CUX2: variants seen among roughly 807,000 people sequenced by gnomAD.
CUX2 encodes cut like homeobox 2, also known as homeobox protein cut-like 2.
A neutral mutation model predicts 144.8 loss-of-function variants in CUX2; 40 were observed. The observed-to-expected ratio is 0.28, with a 90% CI of 0.21 to 0.36. The LOEUF is 0.36. CUX2 is among the 10% of genes least tolerant of loss of function. The probability of loss-of-function intolerance (pLI) is 1.00; values close to 1 mark genes in which losing one functional copy is unlikely to be tolerated. For synonymous variants in CUX2, 827 were observed against 875.6 expected (o/e 0.94, Z 0.98); for missense variants, 1,615 against 1,994.0 (o/e 0.81, Z 3.62).
intron 3 of CUX2, among the ~76,000 whole-genome samples, chr12:111,229,171 G>A (rs7974478): frequency 0.014 from 2,111 of 152,204 alleles, 47 homozygotes; most frequent in African/African-American, 0.047. Flanking sequence ...TGGAGGTGCC[G>A]AATGCTGCCT....
At chr12:111,329,397 T>A (rs115236943) in intron 18 of CUX2, among the ~76,000 whole-genome samples, 2,151 of 152,056 alleles carry the variant, frequency 0.014, 51 homozygotes, top group African/African-American at 0.049. Context: ...GTCTTCCTGA[T>A]AGAGATAATT....
At chr12:111,052,420 CAAA>C (rs35221422) in intron 1 of CUX2, among the ~76,000 whole-genome samples, 4 of 132,754 alleles carry the variant, frequency 3.0e-5, no homozygotes, top group African/African-American at 1.1e-4. Context: ...AGTAGGCCCT[CAAA>C]AAAAAAAAAA....
At chr12:111,200,305 AG>A in intron 1 of CUX2, among the ~76,000 whole-genome samples, 1 of 152,182 alleles carries the variant, frequency 6.6e-6, no homozygotes, top group African/African-American at 2.4e-5. Context: ...TCAGCTGGAT[AG>A]GCATTTCACA....
chr12:111,050,743 C>G (rs1326575698), intron 1 of CUX2, among the ~76,000 whole-genome samples: 2 of 152,232 alleles, frequency 1.3e-5, no homozygotes, highest in Non-Finnish European at 2.9e-5. Context: ...GGACTTTGGT[C>G]TCCTAATTTC....
intron 1 of CUX2, among the ~76,000 whole-genome samples, chr12:111,084,701 A>C (rs1431596555): frequency 1.3e-5 from 2 of 152,244 alleles, no homozygotes; most frequent in Non-Finnish European, 2.9e-5. Flanking sequence ...TTGCAGGTTC[A>C]CAGGAAACTT....
intron 1 of CUX2, among the ~76,000 whole-genome samples, chr12:111,123,747 G>A (rs372282663): frequency 2.6e-5 from 4 of 151,400 alleles, no homozygotes; most frequent in South Asian, 4.2e-4. Context: ...TGTTGCCCAG[G>A]CTAATTTCAA....
rs574407720 is a variant in CUX2 at position 111,342,098 on chromosome 12, G to C, written c.3659+45G>C. ...CCCACAGGCGGGTGGCAGAATCCAG[G>C]TGGGACCCCTTCCCCATCCCAGGGC... On this transcript the variant is annotated intron_variant, in intron 21 of 21. Transcript: ENST00000261726. 21 of 1,566,302 alleles carry C rather than the reference G, an allele frequency of 1.3e-5. No individual in the cohort carries two copies. The African/African-American group carries it at 1.4e-4, about 10-fold the overall frequency.
At chr12:111,118,427 T>G (rs1874427294) in intron 1 of CUX2, among the ~76,000 whole-genome samples, 1 of 152,178 alleles carries the variant, frequency 6.6e-6, no homozygotes, top group Non-Finnish European at 1.5e-5. Flanking sequence ...GTTGGTAGAT[T>G]GAAATTGGCC....
At chr12:111,127,026 C>A (rs77177598) in intron 1 of CUX2, among the ~76,000 whole-genome samples, 1 of 151,928 alleles carries the variant, frequency 6.6e-6, no homozygotes, top group Non-Finnish European at 1.5e-5. Context: ...ATTCAAGTAC[C>A]GTAATATAAA....
chr12:111,121,369 C>CTTTTTTTTTTTTTTTTTTTTTT (rs5800920), intron 1 of CUX2, among the ~76,000 whole-genome samples: 83 of 59,012 alleles, frequency 1.4e-3, no homozygotes, highest in Middle Eastern at 0.011. Context: ...TTTCTTTTTT[C>CTTTTTTTTTTTTTTTTTTTTTT]TTTTTTTTTT....
In CUX2 at chr12:111,295,272, C is replaced by CG. The variant is rs1885911076; in HGVS notation, c.561-56dup. ...GTAGGAAGCAAGATGGGGCTCGACT[C>CG]GGGGGCCCCAGGCAAGGCCTGTCCC... On this transcript the variant is annotated intron_variant, in intron 6 of 21. Transcript: ENST00000261726. The surrounding 1 kb of genome is among the most constrained non-coding windows in gnomAD (Gnocchi z 5.0). 2.0e-6 allele frequency: 3 copies of CG among 1,533,836 alleles called. No individual in the cohort carries two copies. The highest frequency in any genetic ancestry group is 2.7e-6 in the Non-Finnish European group (3 of 1,123,658).
At chr12:111,180,837 G>A (rs1183703083) in intron 1 of CUX2, among the ~76,000 whole-genome samples, 3 of 152,244 alleles carry the variant, frequency 2.0e-5, no homozygotes, top group Non-Finnish European at 4.4e-5. Flanking sequence ...GTTATTGAGG[G>A]AAGAAATATG....
intron 16 of CUX2, among the ~76,000 whole-genome samples, chr12:111,314,668 AC>A (rs1362406631): frequency 5.6e-5 from 4 of 72,014 alleles, no homozygotes; most frequent in African/African-American, 3.0e-4. Flanking sequence ...AAAAAAAAAA[AC>A]CCCATCTCCT....
rs1206229826 is a variant in CUX2 at position 111,190,950 on chromosome 12, G to A, written c.64-23250G>A. Among the ~76,000 whole-genome samples, 6 of 152,124 alleles carry A rather than the reference G, an allele frequency of 3.9e-5. No homozygotes were observed. The highest frequency in any genetic ancestry group is 7.3e-5 in the Non-Finnish European group (5 of 68,040). On this transcript the variant is annotated intron_variant, in intron 1 of 21. Transcript: ENST00000261726. This position sits in a 1 kb window ranked among gnomAD's most constrained non-coding sequence, Gnocchi z 4.0. ...CCTGACCCAGCAGCTGAGCACAGCCGACCTGCTCGCAGATCCAGCACGCCA... is the reference window on the plus strand; with the variant it reads ...CCTGACCCAGCAGCTGAGCACAGCCAACCTGCTCGCAGATCCAGCACGCCA...
At chr12:111,155,540 A>G (rs920026485) in intron 1 of CUX2, among the ~76,000 whole-genome samples, 2 of 152,194 alleles carry the variant, frequency 1.3e-5, no homozygotes, top group African/African-American at 2.4e-5. Flanking sequence ...CAAAATTTTC[A>G]TTGGGAAAAT....
intron 1 of CUX2, among the ~76,000 whole-genome samples, chr12:111,201,402 G>A (rs1368316743): frequency 1.3e-5 from 2 of 152,036 alleles, no homozygotes; most frequent in African/African-American, 2.4e-5. Context: ...TAATCCCCAC[G>A]AGGCTGTAAG....
intron 1 of CUX2, among the ~76,000 whole-genome samples, chr12:111,137,487 G>T (rs1245053697): frequency 6.6e-6 from 1 of 152,008 alleles, no homozygotes; most frequent in East Asian, 1.9e-4. Context: ...TGAATGATGG[G>T]ATTTTTATAA....
At chr12:111,196,918 A>G (rs1470438542) in intron 1 of CUX2, among the ~76,000 whole-genome samples, 2 of 152,184 alleles carry the variant, frequency 1.3e-5, no homozygotes, top group Admixed American at 6.5e-5. Context: ...AAACCTTTTA[A>G]TCATACATAG....
rs1265518523 is a variant in CUX2 at position 111,255,800 on chromosome 12, A to G, written c.223-7961A>G. Among the ~76,000 whole-genome samples, 4 of 152,320 alleles carry G rather than the reference A, an allele frequency of 2.6e-5. No individual in the cohort carries two copies. Among genetic ancestry groups the G allele is most frequent in the African/African-American group, 9.6e-5 (4 of 41,560 alleles). On this transcript the variant is annotated intron_variant, in intron 3 of 21. Transcript: ENST00000261726. The surrounding 1 kb of genome is among the most constrained non-coding windows in gnomAD (Gnocchi z 4.1). ...TGTTATCATCAATAATAATGCACAA[A>G]TCAGCCAATCGAAGTAGCTGTTACC...
Sources: gnomAD v4.1 joint callset for allele counts (sites outside exome capture counted in the v4.1 genomes callset) on GRCh38, gnomAD v4.1.1 for gene constraint, Gnocchi (gnomAD v3.1) non-coding constraint, MANE v1.5 for transcripts, NCBI Gene and HGNC (gene_info 2026-07-23, HGNC 2026-07-21) for gene names.